ATM: variants seen among roughly 807,000 people sequenced by gnomAD.
ATM encodes the protein serine-protein kinase ATM.
In ATM, 308 loss-of-function variants were observed where a neutral mutation model predicts 387.0. The ratio of observed to expected loss-of-function variants is 0.80; its 90% CI spans 0.73 to 0.87. The LOEUF (loss-of-function observed/expected upper bound fraction) is 0.87. Among genes scored for constraint, ATM ranks in the 40% least tolerant of loss-of-function variants. The pLI, the probability that ATM is intolerant of heterozygous loss-of-function variation, is 0.00. For synonymous variants in ATM, 1,156 were observed against 1,187.3 expected (o/e 0.97, Z 0.54); for missense variants, 3,312 against 3,560.9 (o/e 0.93, Z 1.78).
At chr11:108,269,261 T>C (rs1250696089) in intron 18 of ATM, among the ~76,000 whole-genome samples, 1 of 151,964 alleles carries the variant, frequency 6.6e-6, no homozygotes, top group Non-Finnish European at 1.5e-5. Flanking sequence ...TCCTTCAATC[T>C]GGAACAGTTC....
intron 37 of ATM, among the ~76,000 whole-genome samples, chr11:108,305,101 A>G (rs955072761): frequency 1.8e-4 from 27 of 152,320 alleles, no homozygotes; most frequent in Middle Eastern, 3.4e-3. Context: ...GCTATTGATA[A>G]TGGGTCAACT....
chr11:108,326,892 A>G (rs1048303597), intron 47 of ATM, among the ~76,000 whole-genome samples: 1 of 152,090 alleles, frequency 6.6e-6, no homozygotes, highest in African/African-American at 2.4e-5. Context: ...GTGGTACGAC[A>G]TCGGCTCACC....
At chr11:108,312,568 C>G (rs2084268598) in intron 40 of ATM, 70 bp downstream of exon 40, 2 of 1,096,132 alleles carry the variant, frequency 1.8e-6, no homozygotes, top group African/African-American at 1.6e-5. Context: ...GTTATAGACA[C>G]TGTACAGATG....
chr11:108,314,856 G>C (rs2084483790), intron 40 of ATM, among the ~76,000 whole-genome samples: 1 of 152,160 alleles, frequency 6.6e-6, no homozygotes, highest in African/African-American at 2.4e-5. Context: ...TTACAGAACT[G>C]TACTGTGTTT....
In ATM at chr11:108,229,214, T is replaced by C. The variant is rs1555055127; in HGVS notation, c.222T>C (p.Cys74=). ...LQKYIQKETE[C]LRIAKPNVSA... ...AATATATTCAGAAAGAAACAGAATGTCTGAGAATAGCAAAACCAAATGTAT... is the reference window on the plus strand; with the variant it reads ...AATATATTCAGAAAGAAACAGAATGCCTGAGAATAGCAAAACCAAATGTAT... The change falls in exon 4 of 63, where the codon TGT becomes TGC. Residue 74 remains cysteine, a synonymous_variant. Transcript: ENST00000675843. 1 of 1,613,448 alleles carries C rather than the reference T, an allele frequency of 6.2e-7. No homozygotes were observed. Among genetic ancestry groups the C allele is most frequent in the Non-Finnish European group, 8.5e-7 (1 of 1,179,686 alleles).
At chr11:108,248,686 C>G (rs1361670168) in intron 8 of ATM, among the ~76,000 whole-genome samples, 2 of 151,956 alleles carry the variant, frequency 1.3e-5, no homozygotes, top group Non-Finnish European at 2.9e-5. Flanking sequence ...GTTGGGAGTT[C>G]AAGACCAGTC....
intron 61 of ATM, among the ~76,000 whole-genome samples, chr11:108,357,025 C>G (rs1297226108): frequency 6.6e-6 from 1 of 152,210 alleles, no homozygotes; most frequent in African/African-American, 2.4e-5. Flanking sequence ...GCATTTCCAT[C>G]TGAGGTACCA....
intron 45 of ATM, among the ~76,000 whole-genome samples, chr11:108,324,142 T>C (rs563007182): frequency 4.1e-4 from 63 of 152,300 alleles, no homozygotes; most frequent in African/African-American, 1.5e-3. Flanking sequence ...TAGAGATTTA[T>C]GTATAACCTG....
At chr11:108,296,898 A>G (rs1432975224) in intron 32 of ATM, 2 of 275,878 alleles carry the variant, frequency 7.2e-6, no homozygotes, top group Non-Finnish European at 1.4e-5. Context: ...CCATCATTGC[A>G]GAAAGTTCTG....
chr11:108,297,057 G>A (rs1489295575), intron 32 of ATM: 2 of 502,502 alleles, frequency 4.0e-6, no homozygotes, highest in African/African-American at 3.9e-5. Flanking sequence ...ATTTGTTTAA[G>A]ACATTTTATT....
intron 5 of ATM, among the ~76,000 whole-genome samples, chr11:108,241,738 C>CTTTTTTTTTTTTTTTTTT (rs1235260816): frequency 2.4e-5 from 2 of 82,090 alleles, no homozygotes; most frequent in East Asian, 3.2e-4. Flanking sequence ...GTCTTTCTTT[C>CTTTTTTTTTTTTTTTTTT]TTTCTTTTTT....
At chr11:108,279,922 A>C (rs1026524365) in intron 23 of ATM, among the ~76,000 whole-genome samples, 2 of 152,188 alleles carry the variant, frequency 1.3e-5, no homozygotes, top group Non-Finnish European at 2.9e-5. Flanking sequence ...AAGCTAATTA[A>C]GGGAACAGGT....
intron 21 of ATM, 27 bp from the exon 22 acceptor site, chr11:108,272,695 T>C (rs758643104): frequency 4.2e-5 from 67 of 1,613,710 alleles, no homozygotes; most frequent in Non-Finnish European, 5.6e-5. Context: ...CTCTATTTCA[T>C]ATTTAACCAC....
In ATM at chr11:108,297,344, A is replaced by G. The variant is rs2083179153; in HGVS notation, c.4967A>G (p.Lys1656Arg). The G allele has an allele frequency of 1.2e-6, 2 of 1,614,130 alleles. No homozygotes were observed. The highest frequency in any genetic ancestry group is 1.7e-6 in the Non-Finnish European group (2 of 1,179,988). Residue 1656 changes from lysine (K) to arginine (R), a missense_variant, in exon 33 of 63, where the codon AAG becomes AGG. Coordinates refer to ENST00000675843, the MANE Select transcript of ATM (RefSeq NM_000051.4). ...GTTGTCAATTTGTTGCAGTTATCCAAGATGGCAATAAACCACACTGGTGAA... is the reference window on the plus strand; with the variant it reads ...GTTGTCAATTTGTTGCAGTTATCCAGGATGGCAATAAACCACACTGGTGAA... ...KLVVNLLQLS[K>R]MAINHTGEKE...
intron 28 of ATM, 141 bp downstream of exon 28, chr11:108,289,244 T>C (rs1212277730): frequency 1.1e-6 from 1 of 929,140 alleles, no homozygotes; most frequent in Non-Finnish European, 1.6e-6. Flanking sequence ...CATTTACAAG[T>C]TTAAATGGTA....
At chr11:108,269,441 C>G (rs1338711189) in intron 18 of ATM, among the ~76,000 whole-genome samples, 1 of 152,182 alleles carries the variant, frequency 6.6e-6, no homozygotes, top group Non-Finnish European at 1.5e-5. Context: ...TAGATATCTT[C>G]AAATCCAAGC....
chr11:108,348,763 C>T (rs2088810056), intron 59 of ATM, among the ~76,000 whole-genome samples: 1 of 151,900 alleles, frequency 6.6e-6, no homozygotes, highest in Non-Finnish European at 1.5e-5. Context: ...AGAAAATATG[C>T]CATATTCACT....
In ATM at chr11:108,301,583, G is replaced by A. The variant is rs962682588; in HGVS notation, c.5178-65G>A. ...TTTTAGTTTTGAAATTTTTTCAGTG[G>A]AGGTTAACATTCATCAAGATTAATA... is the stretch of plus-strand genomic sequence containing the variant. On this transcript the variant is annotated intron_variant, in intron 34 of 62. Transcript: ENST00000675843. 3.1e-6 allele frequency: 5 copies of A among 1,595,220 alleles called. No homozygotes were observed. In the South Asian group the frequency reaches 5.6e-5, roughly 18 times the overall value.
rs148061139 is a variant in ATM, at chr11:108,227,797, C to T, written c.94C>T (p.Arg32Cys). The T allele has an allele frequency of 5.3e-5, 86 of 1,613,490 alleles. No homozygotes were observed. In the South Asian group the frequency reaches 6.6e-4, roughly 12 times the overall value. ...TCAGAAAGAAGTTGAGAAATTTAAG[C>T]GCCTGATTCGAGATCCTGAAACAAT... is the stretch of plus-strand genomic sequence containing the variant. ...ERKKEVEKFK[R>C]LIRDPETIKH... Residue 32 changes from arginine (R) to cysteine (C), a missense_variant, in exon 3 of 63, where the codon CGC becomes TGC. Around this residue, in one of 4 missense-constraint regions of ATM, gnomAD observed 1,791 missense variants for 1,804.5 expected, o/e 0.99. Transcript: ENST00000675843.
Sources: gnomAD v4.1 joint callset for allele counts (sites outside exome capture counted in the v4.1 genomes callset) on GRCh38, gnomAD v4.1.1 for gene constraint, gnomAD v4.1.1 regional missense constraint, MANE v1.5 for transcripts, NCBI Gene and HGNC (gene_info 2026-07-23, HGNC 2026-07-21) for gene names.